The following PRKACB variants were observed in gnomAD, a reference collection of about 807,000 sequenced individuals.
PRKACB encodes protein kinase cAMP-activated catalytic subunit beta, also known as cAMP-dependent protein kinase catalytic subunit beta.
In PRKACB, 16 loss-of-function variants were observed where a neutral mutation model predicts 51.4. That is an observed-to-expected ratio of 0.31 (90% CI 0.21 to 0.47). PRKACB has a LOEUF of 0.47. PRKACB is among the 20% of genes least tolerant of loss of function. The pLI, the probability that PRKACB is intolerant of heterozygous loss-of-function variation, is 1.00. For synonymous variants in PRKACB, 147 were observed against 154.4 expected (o/e 0.95, Z 0.35); for missense variants, 309 against 464.5 (o/e 0.67, Z 3.08).
upstream of PRKACB, chr1:84,078,136 G>T: frequency 1.8e-6 from 1 of 563,382 alleles, no homozygotes; most frequent in African/African-American, 2.0e-5. Context: ...TGCTGCCGGT[G>T]CTAAGGAGTT....
At chr1:84,195,800 C>T (rs1668069012) in intron 5 of PRKACB, among the ~76,000 whole-genome samples, 1 of 151,846 alleles carries the variant, frequency 6.6e-6, no homozygotes, top group Non-Finnish European at 1.5e-5. Flanking sequence ...GTAATCCCAG[C>T]TACTCAGGAA....
intron 1 of PRKACB, chr1:84,086,093 C>T (rs1647961157): frequency 7.1e-7 from 1 of 1,417,118 alleles, no homozygotes; most frequent in South Asian, 1.1e-5. Flanking sequence ...TATTGATGAC[C>T]ACACAGACCT....
chr1:84,148,262 A>G (rs986760632), intron 1 of PRKACB, among the ~76,000 whole-genome samples: 3 of 152,066 alleles, frequency 2.0e-5, no homozygotes, highest in Non-Finnish European at 4.4e-5. Flanking sequence ...AAAACCACCA[A>G]TGTATCCTAT....
chr1:84,158,874 C>A (rs1011089597), intron 1 of PRKACB, among the ~76,000 whole-genome samples: 2 of 151,938 alleles, frequency 1.3e-5, no homozygotes, highest in Admixed American at 6.6e-5. Flanking sequence ...TTTTACTGCA[C>A]TACTTGTTAA....
chr1:84,094,559 A>G (rs1648777492), intron 1 of PRKACB, among the ~76,000 whole-genome samples: 1 of 151,950 alleles, frequency 6.6e-6, no homozygotes, highest in African/African-American at 2.4e-5. Flanking sequence ...TGTTCAGAGA[A>G]CATGTTTGGA....
intron 1 of PRKACB, among the ~76,000 whole-genome samples, chr1:84,096,080 G>A (rs1648903479): frequency 6.6e-6 from 1 of 151,788 alleles, no homozygotes; most frequent in Admixed American, 6.6e-5. Flanking sequence ...GGTTAGAGTT[G>A]GGTCAGATTG....
intron 1 of PRKACB, among the ~76,000 whole-genome samples, chr1:84,080,358 A>T (rs1647425408): frequency 6.6e-6 from 1 of 152,230 alleles, no homozygotes; most frequent in South Asian, 2.1e-4. Context: ...ACATATTTAA[A>T]TTATTTCTAT....
chr1:84,139,081 A>G lies in PRKACB; in HGVS notation c.47-40096A>G, dbSNP rs142962089. ...AAACAGTGTCTACAGCTAACATTTT[A>G]GTAGTTAATGATGAAAAACTGAATG... On this transcript the variant is annotated intron_variant, in intron 1 of 8. Coordinates refer to the PRKACB transcript ENST00000370688. Among the ~76,000 whole-genome samples the G allele has an allele frequency of 2.5e-3, 378 of 152,342 alleles. 2 individuals are homozygous for G. The highest frequency in any genetic ancestry group is 8.7e-3 in the African/African-American group (362 of 41,586).
rs1668579958 is a variant in PRKACB at position 84,197,658 on chromosome 1, A to G, written c.688-71A>G. 4 of 992,394 alleles carry G rather than the reference A, an allele frequency of 4.0e-6. No individual in the cohort carries two copies. In the East Asian group the frequency reaches 1.1e-4, roughly 27 times the overall value. The allele number at this position is 992,394 out of a possible 1,614,324, so 61.5% of individuals were successfully genotyped here. On this transcript the variant is annotated intron_variant, in intron 6 of 9. Coordinates refer to ENST00000370685, the MANE Select transcript of PRKACB (RefSeq NM_182948.4). ...GTTTCAATTTGAATTTTAAACTTTC[A>G]ACGTAGGTGCAATAAATACATTTAT...
intron 1 of PRKACB, among the ~76,000 whole-genome samples, chr1:84,126,675 C>T (rs967166757): frequency 2.0e-5 from 3 of 152,226 alleles, no homozygotes; most frequent in Non-Finnish European, 2.9e-5. Flanking sequence ...GGGGTCTGCC[C>T]TCTTCTACCC....
intron 1 of PRKACB, chr1:84,164,377 C>T (rs770391129): frequency 3.7e-5 from 58 of 1,567,036 alleles, no homozygotes; most frequent in Non-Finnish European, 1.6e-5. Flanking sequence ...CGTTTAGGTG[C>T]AATCATTCTG....
chr1:84,217,320 G>A (rs1281385574), intron 9 of PRKACB, among the ~76,000 whole-genome samples: 5 of 152,040 alleles, frequency 3.3e-5, no homozygotes, highest in Non-Finnish European at 7.4e-5. Context: ...TTTGATATAT[G>A]TCTTTTTACT....
intron 8 of PRKACB, chr1:84,205,106 T>G: frequency 1.0e-6 from 1 of 982,356 alleles, no homozygotes; most frequent in Non-Finnish European, 1.2e-6. Context: ...TGGTGTACTT[T>G]TGTTTTTTAA....
intron 8 of PRKACB, among the ~76,000 whole-genome samples, chr1:84,205,612 A>T (rs923581146): frequency 2.6e-5 from 4 of 152,066 alleles, no homozygotes; most frequent in Non-Finnish European, 5.9e-5. Flanking sequence ...CACGTTATAA[A>T]GATTATAGGT....
Position 84,221,386 on chromosome 1 carries a change from A to T in PRKACB, c.1071+7069A>T, listed in dbSNP as rs546450883. Among the ~76,000 whole-genome samples the T allele has an allele frequency of 7.6e-4, 114 of 149,528 alleles. 1 individual carries two copies. Among genetic ancestry groups the T allele is most frequent in the Middle Eastern group, 6.9e-3 (2 of 290 alleles). On this transcript the variant is annotated intron_variant, in intron 9 of 9. Coordinates refer to ENST00000370685, the MANE Select transcript of PRKACB (RefSeq NM_182948.4). ...TTTATCAATTTTGGTTATTTTTTTA[A>T]AAAAAAAACCTTTCATTTTTATGAT...
At chr1:84,186,751 AG>A (rs1394854807) in intron 5 of PRKACB, among the ~76,000 whole-genome samples, 7 of 152,054 alleles carry the variant, frequency 4.6e-5, no homozygotes, top group African/African-American at 1.7e-4. Flanking sequence ...CCCACATATG[AG>A]AGAAGTTATC....
intron 1 of PRKACB, among the ~76,000 whole-genome samples, chr1:84,125,192 T>G (rs796535006): frequency 2.6e-5 from 4 of 152,302 alleles, no homozygotes; most frequent in African/African-American, 9.6e-5. Context: ...CTTATGGTTA[T>G]AGGACTAGGG....
chr1:84,124,243 T>A (rs1651358200), intron 1 of PRKACB, among the ~76,000 whole-genome samples: 1 of 152,222 alleles, frequency 6.6e-6, no homozygotes. Flanking sequence ...GGTGTTAATA[T>A]ATTTTAGGAA....
chr1:84,101,559 T>C (rs1406731637), intron 1 of PRKACB, among the ~76,000 whole-genome samples: 2 of 152,194 alleles, frequency 1.3e-5, no homozygotes, highest in Non-Finnish European at 2.9e-5. Context: ...CATTTATTAC[T>C]CATTCTTATC....
Sources: allele counts gnomAD v4.1 joint callset (sites outside exome capture counted in the v4.1 genomes callset), GRCh38; gene constraint gnomAD v4.1.1; transcripts MANE v1.5; gene names NCBI Gene and HGNC (gene_info 2026-07-23, HGNC 2026-07-21).